LRP6: variants seen among roughly 807,000 people sequenced by gnomAD.
The protein encoded by LRP6 is LDL receptor related protein 6.
A neutral mutation model predicts 184.1 loss-of-function variants in LRP6; 43 were observed. That is an observed-to-expected ratio of 0.23 (90% confidence interval 0.18 to 0.30). LRP6 has a LOEUF of 0.30. LRP6 is among the 10% of genes least tolerant of loss of function. The pLI is 1.00. For synonymous variants in LRP6, 719 were observed against 684.9 expected, an observed-to-expected ratio of 1.05 and a Z score of -0.78; for missense variants, 1,571 against 2,005.3, an observed-to-expected ratio of 0.78 and a Z score of 4.14.
At chr12:12,266,375 G>A (rs1378371115) in intron 1 of LRP6, among the ~76,000 whole-genome samples, 1 of 152,148 alleles carries the variant, frequency 6.6e-6, no homozygotes, top group South Asian at 2.1e-4. Context: ...GGCAGAGAGA[G>A]GCACACAGAC....
chr12:12,251,875 A>G (rs117640768), intron 1 of LRP6, among the ~76,000 whole-genome samples: 5 of 152,134 alleles, frequency 3.3e-5, no homozygotes, highest in Non-Finnish European at 5.9e-5. Context: ...ACTTTTTTCA[A>G]TATTTTTTTT....
At chr12:12,133,119 A>C (rs1949780552) in intron 17 of LRP6, among the ~76,000 whole-genome samples, 1 of 152,232 alleles carries the variant, frequency 6.6e-6, no homozygotes, top group Non-Finnish European at 1.5e-5. Context: ...TGGAGAATTA[A>C]AGTAGATAAA....
chr12:12,131,200 C>G (rs1949751279), intron 18 of LRP6, among the ~76,000 whole-genome samples: 2 of 149,794 alleles, frequency 1.3e-5, no homozygotes, highest in African/African-American at 4.9e-5. Context: ...CTCTGCTTCC[C>G]AGGTTCACGC....
intron 2 of LRP6, among the ~76,000 whole-genome samples, chr12:12,213,683 T>C (rs1864268683): frequency 6.6e-6 from 1 of 152,150 alleles, no homozygotes. Flanking sequence ...GAGATACTGA[T>C]ATAAACTGAT....
At chr12:12,155,664 G>A in intron 12 of LRP6, 3 of 973,148 alleles carry the variant, frequency 3.1e-6, no homozygotes, top group East Asian at 2.4e-5. Flanking sequence ...AAGGTACCTG[G>A]GTTCAACTGA....
At chr12:12,158,121 C>T (rs1213719026) in intron 12 of LRP6, among the ~76,000 whole-genome samples, 2 of 152,210 alleles carry the variant, frequency 1.3e-5, no homozygotes, top group Non-Finnish European at 2.9e-5. Context: ...TACATGTTCT[C>T]ATACGCGTTT....
chr12:12,148,802 T>C, intron 14 of LRP6, 140 bp downstream of exon 14: 2 of 754,600 alleles, frequency 2.7e-6, no homozygotes, highest in Non-Finnish European at 2.4e-6. Context: ...GTTAAGATAA[T>C]GCAGAAACAA....
At chr12:12,144,297 C>T (rs1175352975) in intron 15 of LRP6, among the ~76,000 whole-genome samples, 1 of 152,170 alleles carries the variant, frequency 6.6e-6, no homozygotes, top group Non-Finnish European at 1.5e-5. Flanking sequence ...CTCATTGCAG[C>T]AGTGGGACAA....
chr12:12,194,653 G>A (rs1440465053), intron 3 of LRP6, among the ~76,000 whole-genome samples: 2 of 152,006 alleles, frequency 1.3e-5, no homozygotes, highest in Non-Finnish European at 2.9e-5. Flanking sequence ...CAGCAATGTT[G>A]CAATATATAT....
chr12:12,126,917 C>G lies in LRP6; in HGVS notation c.4086G>C (p.Pro1362=). Residue 1362 remains proline (P), a synonymous_variant, in exon 20 of 23, where the codon CCG becomes CCC. Transcript: ENST00000261349. ...TGGCCTGTGGTGCTGGTTCTTCAGT[C>G]GGATCTACAATGAAGAATGCAGTAT... The part of the protein sequence containing the change: ...SDKSDELDCY[P]TEEPAPQATN... 1 of 1,611,906 alleles carries G rather than the reference C, an allele frequency of 6.2e-7. No homozygotes were observed. The highest frequency in any genetic ancestry group is 8.5e-7 in the Non-Finnish European group (1 of 1,178,108).
intron 2 of LRP6, among the ~76,000 whole-genome samples, chr12:12,217,767 G>A (rs1233414009): frequency 6.6e-6 from 1 of 152,136 alleles, no homozygotes; most frequent in Non-Finnish European, 1.5e-5. Flanking sequence ...ATGAGGATGT[G>A]AAGACAGTTC....
At chr12:12,157,288 T>C (rs1862616087) in intron 12 of LRP6, among the ~76,000 whole-genome samples, 1 of 151,914 alleles carries the variant, frequency 6.6e-6, no homozygotes, top group Non-Finnish European at 1.5e-5. Flanking sequence ...TGCTCTAGCT[T>C]CCACATACAT....
chr12:12,264,627 T>G (rs1865710709), intron 1 of LRP6, among the ~76,000 whole-genome samples: 1 of 152,122 alleles, frequency 6.6e-6, no homozygotes, highest in African/African-American at 2.4e-5. Flanking sequence ...ATGCAACAAA[T>G]CAATCAGATT....
At chr12:12,217,098 T>A (rs1326539583) in intron 2 of LRP6, among the ~76,000 whole-genome samples, 1 of 152,134 alleles carries the variant, frequency 6.6e-6, no homozygotes, top group Non-Finnish European at 1.5e-5. Context: ...TCATGGCCTT[T>A]TAGGAACCAG....
Position 12,150,894 on chromosome 12 carries a change from A to T in LRP6, c.2936T>A (p.Leu979His). The T allele has an allele frequency of 1.2e-6, 2 of 1,614,088 alleles. No individual in the cohort carries two copies. The highest frequency in any genetic ancestry group is 1.7e-6 in the Non-Finnish European group (2 of 1,180,012). ...GTTTTGTCGTGAGTCAATCCAATAG[A>T]GTTGCTTGTCCAGTGGGTCATAGTC... The part of the protein sequence containing the change: ...AIDYDPLDKQ[L>H]YWIDSRQNMI... The change falls in exon 13 of 23, where the codon CTC becomes CAC. Residue 979 changes from leucine to histidine, a missense_variant. Leu to His is a moderately conservative substitution (Grantham distance 99). This residue lies in a region of LRP6 where 763 missense variants were observed against 859.5 expected (regional missense o/e 0.89). Transcript: ENST00000261349.
chr12:12,144,894 C>A (rs113782540), intron 15 of LRP6, among the ~76,000 whole-genome samples: 4 of 141,206 alleles, frequency 2.8e-5, no homozygotes, highest in South Asian at 2.2e-4. Flanking sequence ...TGGGGAACAT[C>A]ACACACTGGG....
chr12:12,219,470 T>C (rs1307786080), intron 2 of LRP6, among the ~76,000 whole-genome samples: 15 of 152,204 alleles, frequency 9.9e-5, no homozygotes, highest in Admixed American at 9.2e-4. Flanking sequence ...CCCAAAGTGC[T>C]GGGATTACAG....
intron 3 of LRP6, among the ~76,000 whole-genome samples, chr12:12,189,523 C>T (rs531593890): frequency 2.0e-4 from 31 of 151,594 alleles, no homozygotes; most frequent in African/African-American, 7.5e-4. Context: ...TTTTTTGAGA[C>T]AAAGTCTTGA....
At chr12:12,256,678 C>T (rs942854524) in intron 1 of LRP6, among the ~76,000 whole-genome samples, 14 of 152,122 alleles carry the variant, frequency 9.2e-5, no homozygotes, top group Non-Finnish European at 1.8e-4. Flanking sequence ...TGGTGGCACA[C>T]GCCTGTAGTC....
Sources: allele counts gnomAD v4.1 joint callset (sites outside exome capture counted in the v4.1 genomes callset), GRCh38; gene constraint gnomAD v4.1.1; regional missense constraint gnomAD v4.1.1; transcripts MANE v1.5; gene names NCBI Gene and HGNC (gene_info 2026-07-23, HGNC 2026-07-21).